The following MYH11 variants were observed in gnomAD, a reference collection of about 807,000 sequenced individuals.
The protein encoded by MYH11 is myosin-11.
MYH11 carries 80 observed loss-of-function variants against 246.6 expected under a neutral mutation model. That is an observed-to-expected ratio of 0.32 (90% CI 0.27 to 0.39). The LOEUF is 0.39. MYH11 is among the 10% of genes least tolerant of loss of function. MYH11 has a pLI of 1.00. For missense variants in MYH11, 2,158 were observed against 2,546.8 expected (o/e 0.85, Z 3.29); for synonymous variants, 1,071 against 1,015.5 (o/e 1.05, Z -1.04).
intron 27 of MYH11, among the ~76,000 whole-genome samples, chr16:15,731,083 A>G (rs1034816891): frequency 6.6e-6 from 1 of 152,304 alleles, no homozygotes; most frequent in East Asian, 1.9e-4. Flanking sequence ...TGGCCTCCCA[A>G]AGTGTTAGGA....
chr16:15,754,350 C>T (rs2041657047), intron 14 of MYH11, among the ~76,000 whole-genome samples: 2 of 152,128 alleles, frequency 1.3e-5, no homozygotes, highest in South Asian at 2.1e-4. Flanking sequence ...ACATTCCTGA[C>T]TCAAACAATG....
chr16:15,708,941 T>C (rs1286910523), intron 40 of MYH11: 1 of 1,218,188 alleles, frequency 8.2e-7, no homozygotes, highest in Admixed American at 2.0e-5. Context: ...TTCGATTTAA[T>C]AATTAAAGGC....
Position 15,717,303 on chromosome 16 carries a change from G to A in MYH11, c.5341C>T (p.Gln1781Ter). 6.2e-7 allele frequency: 1 copy of A among 1,612,396 alleles called. No homozygotes were observed. The highest frequency in any genetic ancestry group is 8.5e-7 in the Non-Finnish European group (1 of 1,180,036). Residue 1781 changes from glutamine (Q) to a stop codon, truncating the protein, a stop_gained, in exon 38 of 41, where the codon CAG becomes TAG. Coordinates refer to ENST00000300036, the MANE Select transcript of MYH11 (RefSeq NM_002474.3). LOFTEE classifies it high-confidence loss of function. Reference protein sequence around the residue: ...NELATERSTAQKNESARQQLE... With the variant: ...NELATERSTA ...TGCTGCCGGGCACTCTCATTCTTCT[G>A]GGCCGTGCTGCGCTCTGTGGCCAGC... is the stretch of plus-strand genomic sequence containing the variant.
At chr16:15,820,474 GGAA>G (rs770187475) in intron 3 of MYH11, among the ~76,000 whole-genome samples, 3 of 130,984 alleles carry the variant, frequency 2.3e-5, no homozygotes, top group Non-Finnish European at 3.2e-5. Flanking sequence ...AACTCCATCC[GGAA>G]AAAAAAAAAA....
intron 7 of MYH11, 68 bp downstream of exon 7, chr16:15,778,712 C>T (rs1274549819): frequency 1.3e-5 from 19 of 1,502,902 alleles, no homozygotes; most frequent in Non-Finnish European, 1.8e-5. Flanking sequence ...TGGACTCTCC[C>T]AGCCTCTGGG....
At chr16:15,820,318 T>A (rs2043374940) in intron 3 of MYH11, among the ~76,000 whole-genome samples, 1 of 151,590 alleles carries the variant, frequency 6.6e-6, no homozygotes, top group African/African-American at 2.4e-5. Context: ...CTACTAAAAA[T>A]ACAAAATTAG....
At chr16:15,839,559 TGGCACACACCTGTAGTCCCAGCTACTCA>T (rs2043997654) in intron 1 of MYH11, among the ~76,000 whole-genome samples, 1 of 151,866 alleles carries the variant, frequency 6.6e-6, no homozygotes, top group African/African-American at 2.4e-5. Flanking sequence ...TGGAGTGTGG[TGGCACACACCTGTAGTCCCAGCTACTCA>T]GGAGGCTGAG....
At chr16:15,756,621 T>TA (rs2041724725) in intron 13 of MYH11, 107 bp from the exon 14 acceptor site, 5 of 1,144,738 alleles carry the variant, frequency 4.4e-6, no homozygotes, top group Non-Finnish European at 6.5e-6. Flanking sequence ...CGAGATCTGA[T>TA]ACTGTATTTG....
chr16:15,706,405 G>A (rs1596667886), intron 40 of MYH11, among the ~76,000 whole-genome samples: 1 of 149,518 alleles, frequency 6.7e-6, no homozygotes, highest in Admixed American at 7.7e-5. Flanking sequence ...TTAACTCCAG[G>A]TTCAAACCCT....
At position 15,719,461 on chromosome 16, in the gene MYH11, C is replaced by A. The variant is rs990406724; in HGVS notation, c.5082+124G>T. On this transcript the variant is annotated intron_variant, in intron 35 of 40. Transcript: ENST00000300036. The stretch of plus-strand genomic sequence containing the variant: ...ATACATAGAGGAGGGAAGCGTGTGT[C>A]TTTCTAGACAGGTGGACCCCAGAGG... The A allele has an allele frequency of 9.2e-5, 141 of 1,532,780 alleles. No homozygotes were observed. The African/African-American group carries it at 1.8e-3, about 20-fold the overall frequency. 94.9% of individuals were successfully genotyped at this position (1,532,780 alleles called of 1,614,324 possible).
At chr16:15,821,057 A>T (rs910562054) in intron 3 of MYH11, among the ~76,000 whole-genome samples, 3 of 152,324 alleles carry the variant, frequency 2.0e-5, no homozygotes, top group Admixed American at 6.5e-5. Context: ...TTTTTTGTAG[A>T]GACAGGGTTT....
intron 6 of MYH11, among the ~76,000 whole-genome samples, chr16:15,781,015 T>A (rs935455368): frequency 1.4e-4 from 21 of 152,204 alleles, no homozygotes; most frequent in African/African-American, 5.1e-4. Context: ...GTCTGTCTCT[T>A]ACTGTGTCTT....
Position 15,726,937 on chromosome 16 carries a change from GCTT to G in MYH11, c.3766_3768del (p.Lys1256del), listed in dbSNP as rs730880147. ...TGCAGCTCCTGCACCTGCGCCTCCAGCTTCTTCTTCTTATGTTCCACCTCCTGC... is the reference window on the plus strand; with the variant it reads ...TGCAGCTCCTGCACCTGCGCCTCCAGCTTCTTCTTATGTTCCACCTCCTGC... On this transcript the variant is annotated inframe_deletion, in exon 28 of 41. Coordinates refer to ENST00000300036, the MANE Select transcript of MYH11 (RefSeq NM_002474.3). 3.5e-5 allele frequency: 56 copies of G among 1,613,080 alleles called. No individual in the cohort carries two copies. The highest frequency in any genetic ancestry group is 4.5e-5 in the East Asian group (2 of 44,826).
chr16:15,765,697 C>T (rs1222697865), intron 9 of MYH11, among the ~76,000 whole-genome samples: 1 of 152,188 alleles, frequency 6.6e-6, no homozygotes, highest in Admixed American at 6.5e-5. Context: ...TGGCCCAGCT[C>T]AGCAAAAGGA....
At chr16:15,748,192 G>A in intron 16 of MYH11, 24 bp from the exon 17 acceptor site, 2 of 1,612,654 alleles carry the variant, frequency 1.2e-6, no homozygotes, top group African/African-American at 1.3e-5. Context: ...AGAGGGCAGT[G>A]GATCCCTGGG....
At chr16:15,756,967 T>A (rs2041740593) in intron 13 of MYH11, among the ~76,000 whole-genome samples, 2 of 151,138 alleles carry the variant, frequency 1.3e-5, no homozygotes, top group African/African-American at 2.4e-5. Context: ...CCCGGCTGAT[T>A]TTTTCTATTT....
At chr16:15,820,184 A>C (rs2043370296) in intron 3 of MYH11, among the ~76,000 whole-genome samples, 1 of 152,196 alleles carries the variant, frequency 6.6e-6, no homozygotes. Context: ...CTCTACTAAA[A>C]ATACAAAATT....
intron 40 of MYH11, among the ~76,000 whole-genome samples, chr16:15,709,440 G>A (rs1474031818): frequency 1.3e-5 from 2 of 151,844 alleles, no homozygotes; most frequent in South Asian, 2.1e-4. Flanking sequence ...TCAGCCTCCC[G>A]AGTAGCTGGG....
chr16:15,708,768 G>A, intron 40 of MYH11: 3 of 1,594,348 alleles, frequency 1.9e-6, no homozygotes, highest in East Asian at 4.5e-5. Flanking sequence ...TGGATACTGA[G>A]ACAACACACA....
Sources: allele counts gnomAD v4.1 joint callset (sites outside exome capture counted in the v4.1 genomes callset), GRCh38; gene constraint gnomAD v4.1.1; transcripts MANE v1.5; gene names NCBI Gene and HGNC (gene_info 2026-07-23, HGNC 2026-07-21).